CTIF: variants seen among roughly 807,000 people sequenced by gnomAD.
CTIF encodes the protein CBP80/20-dependent translation initiation factor.
In CTIF, 21 loss-of-function variants were observed where a neutral mutation model predicts 66.0. The observed-to-expected ratio is 0.32, with a 90% CI of 0.23 to 0.46. CTIF has a LOEUF of 0.46. Among genes scored for constraint, CTIF ranks in the 20% least tolerant of loss-of-function variants. CTIF has a pLI of 1.00. For synonymous variants in CTIF, 345 were observed against 326.4 expected (o/e 1.06, Z -0.62); for missense variants, 739 against 812.7 (o/e 0.91, Z 1.10).
chr18:48,629,678 G>A (rs1418656228), intron 2 of CTIF, among the ~76,000 whole-genome samples: 1 of 150,784 alleles, frequency 6.6e-6, no homozygotes, highest in African/African-American at 2.4e-5. Flanking sequence ...TCTAATCCAA[G>A]ATGACATATT....
Position 48,861,051 on chromosome 18 carries a change from G to A in CTIF, c.*1492G>A, listed in dbSNP as rs2069455858. ...TTTATTGAGGCCGGGCAGGCCCTGGGTCACTTTGGAGGCCCCTCTTGGTCC... is the reference window on the plus strand; with the variant it reads ...TTTATTGAGGCCGGGCAGGCCCTGGATCACTTTGGAGGCCCCTCTTGGTCC... On this transcript the variant is annotated 3_prime_UTR_variant, in exon 12 of 12. Transcript: ENST00000256413. 1 of 152,292 alleles carries A rather than the reference G, an allele frequency of 6.6e-6. No homozygotes were observed. Among genetic ancestry groups the A allele is most frequent in the African/African-American group, 2.4e-5 (1 of 41,454 alleles). The allele number at this position is 152,292 out of a possible 1,614,324, so 9.4% of individuals were successfully genotyped here.
intron 9 of CTIF, among the ~76,000 whole-genome samples, chr18:48,775,166 G>A (rs1910553039): frequency 6.6e-6 from 1 of 152,086 alleles, no homozygotes; most frequent in Non-Finnish European, 1.5e-5. Context: ...GACTCTGGGT[G>A]GATCTCAAGC....
At chr18:48,701,573 T>C (rs550258315) in intron 6 of CTIF, among the ~76,000 whole-genome samples, 3 of 140,956 alleles carry the variant, frequency 2.1e-5, no homozygotes, top group East Asian at 2.0e-4. Flanking sequence ...TTCAGTGCAC[T>C]GTGCTGGCTG....
At chr18:48,846,317 A>G (rs1439617776) in intron 10 of CTIF, among the ~76,000 whole-genome samples, 1 of 152,258 alleles carries the variant, frequency 6.6e-6, no homozygotes, top group Non-Finnish European at 1.5e-5. Flanking sequence ...CTGCAATGCC[A>G]TATACCTAGC....
intron 6 of CTIF, among the ~76,000 whole-genome samples, chr18:48,700,868 T>G (rs1373845408): frequency 6.6e-6 from 1 of 152,214 alleles, no homozygotes; most frequent in Non-Finnish European, 1.5e-5. Flanking sequence ...CACAGCATGC[T>G]CACAGGGCAC....
chr18:48,856,847 C>G (rs1269736591), intron 10 of CTIF, among the ~76,000 whole-genome samples: 1 of 152,144 alleles, frequency 6.6e-6, no homozygotes, highest in Non-Finnish European at 1.5e-5. Flanking sequence ...TTGCACAATT[C>G]TGGGGATATC....
rs2277712 is a variant in CTIF at position 48,636,678 on chromosome 18, C to G, written c.245C>G (p.Pro82Arg). Residue 82 changes from proline to arginine, a missense_variant, in exon 3 of 12, where the codon CCA becomes CGA. By Grantham distance (103) the Pro-to-Arg change is moderately radical. Around this residue, in one of 2 missense-constraint regions of CTIF, gnomAD observed 529 missense variants for 520.3 expected, o/e 1.02. Coordinates refer to ENST00000256413, the MANE Select transcript of CTIF (RefSeq NM_014772.3). The stretch of plus-strand genomic sequence containing the variant: ...TCCTTCTCCCGAGGGCGAGCCCCCC[C>G]ACAGCAGGTAGGGAACCAGCTCTGC... ...SCSFSRGRAP[P>R]QQNGSKDNSL... 5.6e-6 allele frequency: 9 copies of G among 1,597,762 alleles called. No individual in the cohort carries two copies. The highest frequency in any genetic ancestry group is 1.7e-4 in the Middle Eastern group (1 of 6,004).
chr18:48,671,590 CT>C (rs2091535927), intron 6 of CTIF, among the ~76,000 whole-genome samples: 1 of 152,158 alleles, frequency 6.6e-6, no homozygotes, highest in Non-Finnish European at 1.5e-5. Flanking sequence ...AAGACCTCAT[CT>C]ATTTGATTAT....
intron 1 of CTIF, among the ~76,000 whole-genome samples, chr18:48,601,118 T>G (rs1041250991): frequency 4.6e-5 from 7 of 152,180 alleles, no homozygotes; most frequent in African/African-American, 1.7e-4. Flanking sequence ...AGATCTGCCC[T>G]CACCACTAAG....
At chr18:48,562,671 G>A (rs1172038826) in intron 1 of CTIF, among the ~76,000 whole-genome samples, 1 of 152,182 alleles carries the variant, frequency 6.6e-6, no homozygotes, top group Non-Finnish European at 1.5e-5. Flanking sequence ...ACTTATGCAG[G>A]CCAAGAACTG....
chr18:48,782,213 T>A (rs1911300864), intron 9 of CTIF, among the ~76,000 whole-genome samples: 1 of 151,672 alleles, frequency 6.6e-6, no homozygotes, highest in South Asian at 2.1e-4. Context: ...TGTTTGGTCA[T>A]GGGCTTGCAG....
intron 7 of CTIF, among the ~76,000 whole-genome samples, chr18:48,712,564 A>G (rs1231260474): frequency 1.3e-5 from 2 of 152,264 alleles, no homozygotes; most frequent in Non-Finnish European, 2.9e-5. Flanking sequence ...AAAAAGGCTT[A>G]TGCCTCAGGA....
At chr18:48,588,772 C>T (rs11660039) in intron 1 of CTIF, among the ~76,000 whole-genome samples, 19,407 of 152,180 alleles carry the variant, frequency 0.13, 1,346 homozygotes, top group South Asian at 0.23. Flanking sequence ...GGGCTCCCTG[C>T]GGGAGTCACT....
chr18:48,709,278 G>A (rs1327542448), intron 6 of CTIF, among the ~76,000 whole-genome samples: 2 of 152,220 alleles, frequency 1.3e-5, no homozygotes, highest in Non-Finnish European at 2.9e-5. Context: ...ACACTACATA[G>A]ATGTGAGTTG....
chr18:48,656,190 G>C (rs983683069), intron 3 of CTIF, among the ~76,000 whole-genome samples: 7 of 152,164 alleles, frequency 4.6e-5, no homozygotes, highest in Non-Finnish European at 1.0e-4. Flanking sequence ...TGCAGGGGAG[G>C]GATACGTTCC....
chr18:48,813,386 A>G (rs2068299771), intron 9 of CTIF, among the ~76,000 whole-genome samples: 1 of 152,204 alleles, frequency 6.6e-6, no homozygotes, highest in African/African-American at 2.4e-5. Flanking sequence ...AGAGTTACAC[A>G]TTTCCATTAA....
chr18:48,743,978 C>T (rs1332006897), intron 7 of CTIF, among the ~76,000 whole-genome samples: 1 of 152,144 alleles, frequency 6.6e-6, no homozygotes, highest in Admixed American at 6.5e-5. Flanking sequence ...TGGTAAGTGC[C>T]TTATAGGCCC....
chr18:48,838,331 G>T (rs532543195), intron 10 of CTIF, among the ~76,000 whole-genome samples: 1 of 151,934 alleles, frequency 6.6e-6, no homozygotes, highest in African/African-American at 2.4e-5. Context: ...AGGCAGGTGC[G>T]CTGCCTTCCC....
At chr18:48,567,505 T>G (rs977825260) in intron 1 of CTIF, 1 of 152,220 alleles carries the variant, frequency 6.6e-6, no homozygotes, top group Non-Finnish European at 1.5e-5. Flanking sequence ...AGATGTGTTC[T>G]TTGCCCCAGG....
Sources: gnomAD v4.1 joint callset for allele counts (sites outside exome capture counted in the v4.1 genomes callset) on GRCh38, gnomAD v4.1.1 for gene constraint, gnomAD v4.1.1 regional missense constraint, MANE v1.5 for transcripts, NCBI Gene and HGNC (gene_info 2026-07-23, HGNC 2026-07-21) for gene names.